The following PRKN variants were observed in gnomAD, a reference collection of about 807,000 sequenced individuals.
PRKN encodes E3 ubiquitin-protein ligase parkin.
In PRKN, 56 loss-of-function variants were observed where a neutral mutation model predicts 59.5. That is an observed-to-expected ratio of 0.94 (90% CI 0.76 to 1.18). The LOEUF (loss-of-function observed/expected upper bound fraction) is 1.18. Among genes scored for constraint, PRKN ranks in the 50% most tolerant of loss-of-function variants. The pLI is 0.00. For missense variants in PRKN, 657 were observed against 596.4 expected, an observed-to-expected ratio of 1.10 and a Z score of -1.06; for synonymous variants, 250 against 222.1, an observed-to-expected ratio of 1.13 and a Z score of -1.12.
intron 1 of PRKN, among the ~76,000 whole-genome samples, chr6:162,547,088 T>C (rs777855314): frequency 1.2e-4 from 18 of 152,160 alleles, no homozygotes; most frequent in Non-Finnish European, 1.9e-4. Flanking sequence ...AACATTCAAC[T>C]GGTAGCATAT....
intron 6 of PRKN, among the ~76,000 whole-genome samples, chr6:161,951,575 C>T (rs548393332): frequency 6.6e-6 from 1 of 152,266 alleles, no homozygotes; most frequent in Admixed American, 6.5e-5. Context: ...AAGATCACTC[C>T]ACTCCTCTCT....
At position 161,354,753 on chromosome 6, in the gene PRKN, T is replaced by C. The variant is rs1442773801; in HGVS notation, c.1286-4542A>G. ...GAGGCTATGTCGGTTTCGGTTACAG[T>C]GATGCACTTTTAAACAGTTTAGGCC... On this transcript the variant is annotated intron_variant, in intron 11 of 11. Coordinates refer to ENST00000366898, the MANE Select transcript of PRKN (RefSeq NM_004562.3). This position sits in a 1 kb window ranked among gnomAD's most constrained non-coding sequence, Gnocchi z 6.7. Among the ~76,000 whole-genome samples, 2 of 152,202 alleles carry C rather than the reference T, an allele frequency of 1.3e-5. No homozygotes were observed. The highest frequency in any genetic ancestry group is 2.4e-5 in the African/African-American group (1 of 41,458).
chr6:161,829,364 G>C (rs1792382039), intron 6 of PRKN, among the ~76,000 whole-genome samples: 1 of 152,240 alleles, frequency 6.6e-6, no homozygotes, highest in African/African-American at 2.4e-5. Flanking sequence ...CTTCCAAGTA[G>C]ACTGCACTGG....
intron 1 of PRKN, among the ~76,000 whole-genome samples, chr6:162,532,421 T>A (rs1778552819): frequency 6.6e-6 from 1 of 152,264 alleles, no homozygotes. Flanking sequence ...GGCTTGGTTT[T>A]ATCTTTGCTT....
At chr6:161,831,512 C>T (rs1280366022) in intron 6 of PRKN, among the ~76,000 whole-genome samples, 1 of 152,180 alleles carries the variant, frequency 6.6e-6, no homozygotes, top group East Asian at 1.9e-4. Flanking sequence ...CGTGGAGGTT[C>T]CCGATTTTCA....
In PRKN at chr6:161,475,569, T is replaced by C. The variant is rs543018499; in HGVS notation, c.1083+73285A>G. On this transcript the variant is annotated intron_variant, in intron 9 of 11. Coordinates refer to ENST00000366898, the MANE Select transcript of PRKN (RefSeq NM_004562.3). This position sits in a 1 kb window ranked among gnomAD's most constrained non-coding sequence, Gnocchi z 5.3. ...CCCAGGCTGGAGTGCCGCGGTGCAATACAACTTGCCGCAGTCTTGACCTCC... is the reference window on the plus strand; with the variant it reads ...CCCAGGCTGGAGTGCCGCGGTGCAACACAACTTGCCGCAGTCTTGACCTCC... 1.1e-4 allele frequency among the ~76,000 whole-genome samples: 16 copies of C among 152,266 alleles called. No homozygotes were observed. Among genetic ancestry groups the C allele is most frequent in the African/African-American group, 3.6e-4 (15 of 41,574 alleles).
chr6:162,320,489 G>A (rs749671156), intron 2 of PRKN, among the ~76,000 whole-genome samples: 32 of 126,310 alleles, frequency 2.5e-4, no homozygotes, highest in Non-Finnish European at 5.0e-4. Context: ...AAAGCAAATA[G>A]GTAAATGAAA....
In PRKN at chr6:161,347,619, G is replaced by GTTTTTTT. The variant is rs1393563943; in HGVS notation, c.*2473_*2479dup. The GTTTTTTT allele has an allele frequency of 1.8e-5, 2 of 111,112 alleles. No individual in the cohort carries two copies. The highest frequency in any genetic ancestry group is 1.8e-5 in the Non-Finnish European group (1 of 56,248). 6.9% of individuals were successfully genotyped at this position (111,112 alleles called of 1,614,324 possible). On this transcript the variant is annotated 3_prime_UTR_variant, in exon 12 of 12. Coordinates refer to ENST00000366898, the MANE Select transcript of PRKN (RefSeq NM_004562.3). ...TGGATGATCTTGCTTTTTTGTTTTT[G>GTTTTTTT]TTTTTTTTTTTTTTTTGAGACAGAG...
chr6:161,673,543 G>T (rs563888128), intron 7 of PRKN, among the ~76,000 whole-genome samples: 6 of 152,316 alleles, frequency 3.9e-5, no homozygotes, highest in African/African-American at 1.4e-4. Context: ...TATTCCAAGG[G>T]AGCTGAGAAG....
At chr6:161,531,308 G>A (rs1389335363) in intron 9 of PRKN, among the ~76,000 whole-genome samples, 3 of 151,516 alleles carry the variant, frequency 2.0e-5, no homozygotes, top group Non-Finnish European at 4.4e-5. Context: ...GTGAACCCGG[G>A]AGGCAGAGCT....
At chr6:162,542,409 A>T (rs190418592) in intron 1 of PRKN, among the ~76,000 whole-genome samples, 280 of 152,274 alleles carry the variant, frequency 1.8e-3, no homozygotes, top group African/African-American at 6.6e-3. Context: ...CCTATGTCTG[A>T]TTAATCCAAC....
intron 1 of PRKN, among the ~76,000 whole-genome samples, chr6:162,661,942 C>T (rs1490883230): frequency 6.6e-6 from 1 of 152,106 alleles, no homozygotes; most frequent in Non-Finnish European, 1.5e-5. Context: ...GACCACTGTA[C>T]CCAGTAGGTT....
intron 1 of PRKN, among the ~76,000 whole-genome samples, chr6:162,605,776 T>C (rs1781890248): frequency 6.6e-6 from 1 of 152,184 alleles, no homozygotes; most frequent in African/African-American, 2.4e-5. Flanking sequence ...TCATATCACG[T>C]GGCCTTGTAC....
At chr6:161,514,715 G>A (rs904198457) in intron 9 of PRKN, among the ~76,000 whole-genome samples, 2 of 152,082 alleles carry the variant, frequency 1.3e-5, no homozygotes, top group Non-Finnish European at 2.9e-5. Flanking sequence ...CAGGGAAAGG[G>A]GACCCAGTGA....
At chr6:162,032,117 C>T (rs980531807) in intron 5 of PRKN, among the ~76,000 whole-genome samples, 6 of 151,966 alleles carry the variant, frequency 3.9e-5, no homozygotes, top group Non-Finnish European at 7.4e-5. Flanking sequence ...CAGCTTTAGC[C>T]GACAGCACAA....
Position 161,957,400 on chromosome 6 carries a change from G to GTTC in PRKN, c.734+15899_734+15901dup, listed in dbSNP as rs1285184290. On this transcript the variant is annotated intron_variant, in intron 6 of 11. Transcript: ENST00000366898. ...CCATGTCTGTTTTTATTTTTTTGTTGTTCTTGTTGTTTTTTTTTTGTTTGT... is the reference window on the plus strand; with the variant it reads ...CCATGTCTGTTTTTATTTTTTTGTTGTTCTTCTTGTTGTTTTTTTTTTGTTTGT... Among the ~76,000 whole-genome samples the GTTC allele has an allele frequency of 3.6e-5, 5 of 138,748 alleles. No individual in the cohort carries two copies. The Admixed American group carries it at 3.6e-4, about 10-fold the overall frequency. The allele number at this position is 138,748 out of a possible 152,430, so 91.0% of individuals were successfully genotyped here.
chr6:162,418,949 A>G (rs1788806899), intron 2 of PRKN, among the ~76,000 whole-genome samples: 1 of 151,750 alleles, frequency 6.6e-6, no homozygotes, highest in South Asian at 2.1e-4. Context: ...CCACCCCCCA[A>G]CCCTGGAGGT....
chr6:162,143,056 T>G (rs2128311397), intron 4 of PRKN, among the ~76,000 whole-genome samples: 1 of 152,342 alleles, frequency 6.6e-6, no homozygotes, highest in South Asian at 2.1e-4. Context: ...AGATGTTCTT[T>G]ATTTATTTAT....
chr6:162,297,177 T>TTTTC (rs1248485219), intron 2 of PRKN, among the ~76,000 whole-genome samples: 1 of 150,798 alleles, frequency 6.6e-6, no homozygotes, highest in Non-Finnish European at 1.5e-5. Context: ...TTCTTTTCTT[T>TTTTC]TTTTTTTTTT....
Sources: allele counts gnomAD v4.1 joint callset (sites outside exome capture counted in the v4.1 genomes callset), GRCh38; gene constraint gnomAD v4.1.1; non-coding constraint Gnocchi (gnomAD v3.1); transcripts MANE v1.5; gene names NCBI Gene and HGNC (gene_info 2026-07-23, HGNC 2026-07-21).